HFM1: variants seen among roughly 807,000 people sequenced by gnomAD.
HFM1 encodes probable ATP-dependent DNA helicase HFM1.
In HFM1, 169 loss-of-function variants were observed where a neutral mutation model predicts 192.1. The observed-to-expected ratio is 0.88, with a 90% confidence interval of 0.78 to 1.00. The LOEUF (loss-of-function observed/expected upper bound fraction) is 1.00. Among genes scored for constraint, HFM1 ranks in the 50% least tolerant of loss-of-function variants. HFM1 has a pLI of 0.00. For synonymous variants in HFM1, 525 were observed against 537.8 expected, an observed-to-expected ratio of 0.98 and a Z score of 0.33; for missense variants, 1,661 against 1,668.0, an observed-to-expected ratio of 1.00 and a Z score of 0.07.
chr1:91,294,332 G>C (rs1447990129), intron 30 of HFM1, among the ~76,000 whole-genome samples: 1 of 152,040 alleles, frequency 6.6e-6, no homozygotes, highest in African/African-American at 2.4e-5. Flanking sequence ...AACCATGAGA[G>C]TTAGTAGTGC....
intron 30 of HFM1, among the ~76,000 whole-genome samples, chr1:91,304,767 C>T (rs1326003840): frequency 2.6e-5 from 4 of 152,074 alleles, no homozygotes; most frequent in Admixed American, 2.6e-4. Context: ...GTGTTAGCCA[C>T]TGCACCTGGC....
At chr1:91,316,312 A>C in intron 26 of HFM1, 79 bp downstream of exon 26, 1 of 1,032,854 alleles carries the variant, frequency 9.7e-7, no homozygotes, top group Non-Finnish European at 1.4e-6. Flanking sequence ...TATAACTATG[A>C]GAAGGAAAAT....
intron 30 of HFM1, among the ~76,000 whole-genome samples, chr1:91,289,122 G>A (rs552372618): frequency 0.018 from 2,723 of 150,972 alleles, 38 homozygotes; most frequent in Non-Finnish European, 0.029. Flanking sequence ...GCTGCCAGGC[G>A]GAGGGGCTCC....
At chr1:91,310,328 C>T (rs1650256033) in intron 30 of HFM1, among the ~76,000 whole-genome samples, 1 of 151,966 alleles carries the variant, frequency 6.6e-6, no homozygotes, top group Admixed American at 6.6e-5. Flanking sequence ...CAGTAGCAGC[C>T]ATGAATTGAT....
intron 36 of HFM1, among the ~76,000 whole-genome samples, 194 bp downstream of exon 36, chr1:91,265,823 T>G (rs997714142): frequency 6.6e-6 from 1 of 152,200 alleles, no homozygotes; most frequent in Non-Finnish European, 1.5e-5. Flanking sequence ...ATTTTTAATA[T>G]GCACCTCAAA....
intron 7 of HFM1, 52 bp downstream of exon 7, chr1:91,380,860 A>G: frequency 1.2e-6 from 1 of 863,770 alleles, no homozygotes; most frequent in Non-Finnish European, 2.0e-6. Flanking sequence ...CAATCTAGTG[A>G]TCATAACCTA....
At chr1:91,354,350 A>G (rs899508070) in intron 13 of HFM1, among the ~76,000 whole-genome samples, 2 of 152,034 alleles carry the variant, frequency 1.3e-5, no homozygotes, top group Admixed American at 6.6e-5. Flanking sequence ...ATGGGACACC[A>G]TTAAGCAAAC....
intron 30 of HFM1, among the ~76,000 whole-genome samples, chr1:91,300,273 G>A (rs1408350691): frequency 3.3e-5 from 5 of 152,160 alleles, no homozygotes; most frequent in East Asian, 1.9e-4. Context: ...AACAGGCTCA[G>A]AAATTGAGGC....
intron 4 of HFM1, 61 bp downstream of exon 4, chr1:91,394,032 T>TAA: frequency 2.1e-6 from 2 of 931,982 alleles, no homozygotes; most frequent in Non-Finnish European, 3.1e-6. Context: ...TTAATACTTT[T>TAA]ATATGTACAA....
At chr1:91,384,830 G>A (rs1661981398) in intron 6 of HFM1, among the ~76,000 whole-genome samples, 1 of 149,954 alleles carries the variant, frequency 6.7e-6, no homozygotes, top group South Asian at 2.1e-4. Flanking sequence ...TGCAACCTCT[G>A]CCTCCCAGGT....
At chr1:91,333,975 A>G (rs1334579694) in intron 20 of HFM1, among the ~76,000 whole-genome samples, 1 of 152,200 alleles carries the variant, frequency 6.6e-6, no homozygotes, top group Non-Finnish European at 1.5e-5. Flanking sequence ...CCTAAGAGGA[A>G]TGGTCAGTGT....
chr1:91,386,695 A>G (rs1034694713), intron 4 of HFM1, among the ~76,000 whole-genome samples: 3 of 150,898 alleles, frequency 2.0e-5, no homozygotes, highest in African/African-American at 7.3e-5. Context: ...AGTAAATTTC[A>G]TAACACCTAA....
chr1:91,306,935 T>C (rs1649690446), intron 30 of HFM1, among the ~76,000 whole-genome samples: 1 of 152,150 alleles, frequency 6.6e-6, no homozygotes, highest in South Asian at 2.1e-4. Context: ...ATAAATATTC[T>C]CATTTTAACC....
upstream of HFM1, among the ~76,000 whole-genome samples, chr1:91,405,104 G>A (rs192957755): frequency 4.8e-4 from 73 of 152,042 alleles, no homozygotes; most frequent in East Asian, 5.8e-4. Flanking sequence ...ACCCCAACCT[G>A]CCTTTCTCAT....
At chr1:91,316,608 T>C in intron 25 of HFM1, 132 bp from the exon 26 acceptor site, 1 of 404,760 alleles carries the variant, frequency 2.5e-6, no homozygotes, top group Non-Finnish European at 4.3e-6. Context: ...CTTAAAGTTT[T>C]TGTAAAAAGT....
At chr1:91,337,734 T>C (rs1472272937) in intron 20 of HFM1, among the ~76,000 whole-genome samples, 1 of 152,088 alleles carries the variant, frequency 6.6e-6, no homozygotes, top group Non-Finnish European at 1.5e-5. Context: ...AGAAATTACA[T>C]GTACAAATAA....
At chr1:91,341,187 C>T (rs1008641200) in intron 20 of HFM1, among the ~76,000 whole-genome samples, 2 of 152,114 alleles carry the variant, frequency 1.3e-5, no homozygotes, top group African/African-American at 4.8e-5. Context: ...ACCACACATT[C>T]AGCTATAAAG....
At chr1:91,400,106 A>C (rs1664120839) in intron 2 of HFM1, among the ~76,000 whole-genome samples, 1 of 152,210 alleles carries the variant, frequency 6.6e-6, no homozygotes, top group Admixed American at 6.5e-5. Context: ...TCAATATTTG[A>C]ATGAACAAGT....
intron 30 of HFM1, among the ~76,000 whole-genome samples, chr1:91,297,626 T>G (rs968613082): frequency 2.6e-5 from 4 of 152,210 alleles, no homozygotes; most frequent in African/African-American, 9.6e-5. Flanking sequence ...CAACATTTGC[T>G]GTTCACCAAT....
Sources: gnomAD v4.1 joint callset for allele counts (sites outside exome capture counted in the v4.1 genomes callset) on GRCh38, gnomAD v4.1.1 for gene constraint, MANE v1.5 for transcripts, NCBI Gene and HGNC (gene_info 2026-07-23, HGNC 2026-07-21) for gene names.